Variants in TENM2 observed in about 807,000 individuals in gnomAD.
The protein encoded by TENM2 is teneurin transmembrane protein 2.
In TENM2, 52 loss-of-function variants were observed where a neutral mutation model predicts 245.2. The observed-to-expected ratio is 0.21, with a 90% CI of 0.17 to 0.27. The LOEUF (loss-of-function observed/expected upper bound fraction) is 0.27. Ranked by LOEUF, TENM2 falls within the 10% of genes least tolerant of loss-of-function variation. The probability of loss-of-function intolerance (pLI) is 1.00; values close to 1 mark genes in which losing one functional copy is unlikely to be tolerated. For synonymous variants in TENM2, 1,363 were observed against 1,438.9 expected, an observed-to-expected ratio of 0.95 and a Z score of 1.19; for missense variants, 3,046 against 3,666.8, an observed-to-expected ratio of 0.83 and a Z score of 4.37.
At chr5:167,797,156 A>G (rs1765383725) in intron 2 of TENM2, among the ~76,000 whole-genome samples, 1 of 152,134 alleles carries the variant, frequency 6.6e-6, no homozygotes, top group South Asian at 2.1e-4. Context: ...AGGACTTAGC[A>G]ATTGTTGACA....
At chr5:167,485,263 C>A (rs1162153619) in intron 2 of TENM2, among the ~76,000 whole-genome samples, 1 of 152,058 alleles carries the variant, frequency 6.6e-6, no homozygotes, top group African/African-American at 2.4e-5. Context: ...CTAGAAGCCT[C>A]CAGATTAATC....
At chr5:167,282,510 T>G (rs1047837591), upstream of TENM2, among the ~76,000 whole-genome samples, 1 of 152,216 alleles carries the variant, frequency 6.6e-6, no homozygotes, top group African/African-American at 2.4e-5. Flanking sequence ...ATGTGTTAGA[T>G]AGTATATTAG....
intron 2 of TENM2, among the ~76,000 whole-genome samples, chr5:167,558,607 T>C (rs1773398548): frequency 6.6e-6 from 1 of 152,182 alleles, no homozygotes; most frequent in African/African-American, 2.4e-5. Flanking sequence ...GTTGTGCATT[T>C]CTTATGAGAA....
At chr5:168,198,675 A>G (rs1430394264) in intron 15 of TENM2, among the ~76,000 whole-genome samples, 178 bp from the exon 18 acceptor site, 1 of 152,140 alleles carries the variant, frequency 6.6e-6, no homozygotes, top group Non-Finnish European at 1.5e-5. Flanking sequence ...TAACTTGCCC[A>G]TTGCCACTCA....
chr5:167,046,826 G>C, the TENM2 span, among the ~76,000 whole-genome samples: 3 of 152,134 alleles, frequency 2.0e-5, no homozygotes. Context: ...GTATGCGTTA[G>C]GTATTTGTCC....
intron 2 of TENM2, among the ~76,000 whole-genome samples, chr5:167,748,158 A>G (rs1761715652): frequency 6.6e-6 from 1 of 152,162 alleles, no homozygotes; most frequent in Non-Finnish European, 1.5e-5. Flanking sequence ...AATATTTTCC[A>G]TCTGTCACTC....
chr5:167,658,539 C>T (rs917474426), intron 2 of TENM2, among the ~76,000 whole-genome samples: 4 of 152,094 alleles, frequency 2.6e-5, no homozygotes, highest in Non-Finnish European at 5.9e-5. Flanking sequence ...ACTTAATCAC[C>T]TCCTAAAGGC....
chr5:167,400,443 TGACTGGGAAACAG>T (rs1762298070), intron 2 of TENM2, among the ~76,000 whole-genome samples: 1 of 152,066 alleles, frequency 6.6e-6, no homozygotes, highest in Non-Finnish European at 1.5e-5. Flanking sequence ...GGAGAACATC[TGACTGGGAAACAG>T]GAAGTTTGGT....
At chr5:167,299,352 G>T (rs1244069103) in intron 1 of TENM2, among the ~76,000 whole-genome samples, 1 of 152,166 alleles carries the variant, frequency 6.6e-6, no homozygotes, top group African/African-American at 2.4e-5. Context: ...TGTAGGAAAG[G>T]CCTCTACCTA....
chr5:167,880,324 C>T (rs1437607753), intron 3 of TENM2, among the ~76,000 whole-genome samples: 6 of 152,036 alleles, frequency 3.9e-5, no homozygotes, highest in African/African-American at 4.8e-5. Context: ...TGAGCCATCA[C>T]CCCTGGCCAA....
chr5:167,305,581 A>C (rs1755624104), intron 1 of TENM2, among the ~76,000 whole-genome samples: 1 of 152,220 alleles, frequency 6.6e-6, no homozygotes, highest in South Asian at 2.1e-4. Flanking sequence ...ATCTCAGTTT[A>C]CATCTCAAGA....
chr5:168,246,818 G>T lies in TENM2; in HGVS notation c.5879G>T (p.Arg1960Leu), dbSNP rs146964540. The T allele has an allele frequency of 3.8e-5, 62 of 1,613,712 alleles. No homozygotes were observed. The highest frequency in any genetic ancestry group is 5.2e-5 in the Non-Finnish European group (61 of 1,179,874). Residue 1960 changes from arginine (R) to leucine (L), a missense_variant, in exon 27 of 29, where the codon CGC (arginine) becomes CTC (leucine). Transcript: ENST00000518659. Reference sequence around the variant, plus strand: ...ATATTTGAGTATGACTCCTCTGACCGCCTCCTTGCCGTCACCATGCCCAGC... The same window carrying T: ...ATATTTGAGTATGACTCCTCTGACCTCCTCCTTGCCGTCACCATGCCCAGC...
At chr5:167,544,972 T>TC (rs1463670383) in intron 2 of TENM2, among the ~76,000 whole-genome samples, 2 of 152,176 alleles carry the variant, frequency 1.3e-5, no homozygotes, top group East Asian at 3.9e-4. Flanking sequence ...AATACATAGT[T>TC]CACTGTCCCT....
intron 27 of TENM2, among the ~76,000 whole-genome samples, chr5:168,253,423 TATTTTA>T (rs1767318403): frequency 4.6e-5 from 5 of 107,894 alleles, no homozygotes; most frequent in Admixed American, 9.2e-5. Context: ...ATGCATTCAT[TATTTTA>T]TTTTTTTTTT....
At chr5:168,162,840 G>T in intron 13 of TENM2, 83 bp downstream of exon 15, 1 of 1,474,268 alleles carries the variant, frequency 6.8e-7, no homozygotes, top group Non-Finnish European at 9.4e-7. Flanking sequence ...TCTTCGGAAA[G>T]ACCTCCCCTG....
At chr5:167,946,683 G>A (rs1327237973) in intron 3 of TENM2, among the ~76,000 whole-genome samples, 1 of 152,158 alleles carries the variant, frequency 6.6e-6, no homozygotes, top group East Asian at 1.9e-4. Context: ...ATACAGCTGG[G>A]AGGGGAAGAG....
At chr5:167,316,259 A>T (rs974121646) in intron 1 of TENM2, among the ~76,000 whole-genome samples, 1 of 152,226 alleles carries the variant, frequency 6.6e-6, no homozygotes, top group Admixed American at 6.5e-5. Flanking sequence ...TGGATGCATC[A>T]TAAATATTTG....
chr5:167,603,532 T>A (rs567363849), intron 2 of TENM2, among the ~76,000 whole-genome samples: 2 of 151,986 alleles, frequency 1.3e-5, no homozygotes, highest in South Asian at 2.1e-4. Flanking sequence ...AACAATAAAA[T>A]TAGCTGGGTG....
the TENM2 span, among the ~76,000 whole-genome samples, chr5:167,206,191 C>A: frequency 6.6e-6 from 1 of 152,202 alleles, no homozygotes; most frequent in South Asian, 2.1e-4. Context: ...TCTCCTCCAA[C>A]TTTATCCTGT....
Sources: allele counts gnomAD v4.1 joint callset (sites outside exome capture counted in the v4.1 genomes callset), GRCh38; gene constraint gnomAD v4.1.1; transcripts MANE v1.5; gene names NCBI Gene and HGNC (gene_info 2026-07-23, HGNC 2026-07-21).